The following TENM4 variants were observed in gnomAD, a reference collection of about 807,000 sequenced individuals.
The protein encoded by TENM4 is teneurin-4.
In TENM4, 82 loss-of-function variants were observed where a neutral mutation model predicts 243.3. That is an observed-to-expected ratio of 0.34 (90% CI 0.28 to 0.40). The LOEUF (loss-of-function observed/expected upper bound fraction) is 0.40. Ranked by LOEUF, TENM4 falls within the 10% of genes least tolerant of loss-of-function variation. The probability of loss-of-function intolerance (pLI) is 1.00; values close to 1 mark genes in which losing one functional copy is unlikely to be tolerated. For missense variants in TENM4, 3,138 were observed against 3,673.3 expected (o/e 0.85, Z 3.77); for synonymous variants, 1,412 against 1,456.3 (o/e 0.97, Z 0.69).
intron 4 of TENM4, among the ~76,000 whole-genome samples, chr11:79,109,946 A>G (rs1258727758): frequency 6.6e-6 from 1 of 152,234 alleles, no homozygotes; most frequent in African/African-American, 2.4e-5. Context: ...GTGAATGCTA[A>G]TGCAGCTATT....
chr11:79,304,455 T>C (rs1249859261), intron 1 of TENM4, among the ~76,000 whole-genome samples: 1 of 152,220 alleles, frequency 6.6e-6, no homozygotes, highest in African/African-American at 2.4e-5. Context: ...CCATGGTCTG[T>C]CAATTCCAGC....
chr11:79,268,606 C>T (rs1430772385), intron 2 of TENM4, among the ~76,000 whole-genome samples: 1 of 152,192 alleles, frequency 6.6e-6, no homozygotes, highest in South Asian at 2.1e-4. Flanking sequence ...AAACCCAACA[C>T]TATCATGGTC....
intron 1 of TENM4, among the ~76,000 whole-genome samples, chr11:79,310,019 T>C (rs1856692792): frequency 6.6e-6 from 1 of 152,138 alleles, no homozygotes; most frequent in South Asian, 2.1e-4. Context: ...AGCCCCTGTG[T>C]CTCTGGCTCC....
chr11:78,665,307 T>C (rs1261247488), intron 32 of TENM4, among the ~76,000 whole-genome samples: 1 of 151,910 alleles, frequency 6.6e-6, no homozygotes, highest in Non-Finnish European at 1.5e-5. Context: ...AGGGTCTCAC[T>C]GTCACCCAGG....
chr11:79,292,308 A>G (rs1590856727), intron 2 of TENM4, among the ~76,000 whole-genome samples: 1 of 152,110 alleles, frequency 6.6e-6, no homozygotes, highest in African/African-American at 2.4e-5. Flanking sequence ...GGACTTGCCA[A>G]ACTCAAGAAA....
chr11:79,348,444 A>G (rs1857364796), intron 1 of TENM4, among the ~76,000 whole-genome samples: 1 of 152,202 alleles, frequency 6.6e-6, no homozygotes, highest in South Asian at 2.1e-4. Context: ...GATCACAGTT[A>G]AGTTTTGGTT....
intron 1 of TENM4, among the ~76,000 whole-genome samples, chr11:79,318,097 G>A (rs1856830918): frequency 6.6e-6 from 1 of 152,164 alleles, no homozygotes; most frequent in Non-Finnish European, 1.5e-5. Flanking sequence ...TTCTGACACT[G>A]GTTGATGCTT....
At position 79,359,044 on chromosome 11, in the gene TENM4, T is replaced by C. The variant is rs139991552; in HGVS notation, c.-320-61501A>G. 2.1e-3 allele frequency among the ~76,000 whole-genome samples: 320 copies of C among 151,392 alleles called. 2 individuals carry two copies. Among genetic ancestry groups the C allele is most frequent in the African/African-American group, 7.6e-3 (311 of 41,172 alleles). ...CACTTTGGGAGGCTGAGTGGAAGGATCACTTGAGGCCAATAGTTCAAGACC... is the reference window on the plus strand; with the variant it reads ...CACTTTGGGAGGCTGAGTGGAAGGACCACTTGAGGCCAATAGTTCAAGACC... On this transcript the variant is annotated intron_variant, in intron 1 of 33. Coordinates refer to ENST00000278550, the MANE Select transcript of TENM4 (RefSeq NM_001098816.3).
chr11:78,849,378 T>C (rs963810416), intron 12 of TENM4, among the ~76,000 whole-genome samples: 2 of 152,212 alleles, frequency 1.3e-5, no homozygotes, highest in Non-Finnish European at 2.9e-5. Context: ...AAATATTTAA[T>C]AGTAACCGTG....
intron 2 of TENM4, among the ~76,000 whole-genome samples, chr11:79,230,218 C>A (rs1364587992): frequency 3.3e-5 from 5 of 152,184 alleles, no homozygotes; most frequent in Non-Finnish European, 7.4e-5. Flanking sequence ...GCTGGTCATC[C>A]TTAGCCACTG....
At chr11:79,139,782 A>ATATATTATATATATG (rs1555016073) in intron 4 of TENM4, among the ~76,000 whole-genome samples, 1 of 64,566 alleles carries the variant, frequency 1.5e-5, no homozygotes, top group East Asian at 2.4e-4. Context: ...TATATAATAT[A>ATATATTATATATATG]TATTATATTT....
intron 6 of TENM4, among the ~76,000 whole-genome samples, chr11:78,975,425 C>T (rs527939785): frequency 6.6e-6 from 1 of 152,090 alleles, no homozygotes; most frequent in East Asian, 1.9e-4. Flanking sequence ...TGCTGGCCAA[C>T]GTGACCAAGG....
chr11:79,357,105 G>A (rs1323938028), intron 1 of TENM4, among the ~76,000 whole-genome samples: 2 of 152,166 alleles, frequency 1.3e-5, no homozygotes, highest in Non-Finnish European at 2.9e-5. Context: ...ATGAGGTGCT[G>A]GTGCCACATT....
At chr11:78,929,869 CA>C (rs1349536095) in intron 6 of TENM4, among the ~76,000 whole-genome samples, 4 of 152,144 alleles carry the variant, frequency 2.6e-5, no homozygotes, top group East Asian at 3.8e-4. Context: ...ATTTTACCAG[CA>C]AAAGTTTCTT....
At chr11:79,054,101 A>AGGGGCTCT (rs1262002684) in intron 6 of TENM4, among the ~76,000 whole-genome samples, 13 of 151,944 alleles carry the variant, frequency 8.6e-5, no homozygotes, top group Admixed American at 8.5e-4. Context: ...GTATCTTCCT[A>AGGGGCTCT]AGTCAGCTCT....
intron 4 of TENM4, among the ~76,000 whole-genome samples, chr11:79,130,337 C>A (rs567088137): frequency 1.3e-5 from 2 of 152,152 alleles, no homozygotes; most frequent in South Asian, 2.1e-4. Context: ...ATCTTTAACA[C>A]CCCCCAAAAA....
chr11:78,878,301 T>G (rs1375491285), intron 9 of TENM4, among the ~76,000 whole-genome samples: 1 of 152,194 alleles, frequency 6.6e-6, no homozygotes, highest in Non-Finnish European at 1.5e-5. Flanking sequence ...GCTATGATAC[T>G]AAGTATGACG....
At chr11:79,330,043 G>A (rs1857036797) in intron 1 of TENM4, among the ~76,000 whole-genome samples, 2 of 152,202 alleles carry the variant, frequency 1.3e-5, no homozygotes, top group Non-Finnish European at 2.9e-5. Flanking sequence ...CCGGGCAATG[G>A]TGTGTTGTTA....
At chr11:78,870,544 C>T (rs907403496) in intron 9 of TENM4, among the ~76,000 whole-genome samples, 1 of 152,204 alleles carries the variant, frequency 6.6e-6, no homozygotes, top group African/African-American at 2.4e-5. Context: ...ACTGCTTTTC[C>T]TCCTGTCTCT....
Sources: gnomAD v4.1 joint callset for allele counts (sites outside exome capture counted in the v4.1 genomes callset) on GRCh38, gnomAD v4.1.1 for gene constraint, MANE v1.5 for transcripts, NCBI Gene and HGNC (gene_info 2026-07-23, HGNC 2026-07-21) for gene names.